The following RUNDC3B variants were observed in gnomAD, a reference collection of about 807,000 sequenced individuals.
RUNDC3B encodes the protein RUN domain-containing protein 3B.
Under a neutral mutation model 58.4 loss-of-function variants are expected in RUNDC3B, and 33 were observed. The ratio of observed to expected loss-of-function variants is 0.56; its 90% CI spans 0.43 to 0.75. The LOEUF (loss-of-function observed/expected upper bound fraction) is 0.75. RUNDC3B is among the 30% of genes least tolerant of loss of function. The probability of loss-of-function intolerance (pLI) is 0.00; values close to 1 mark genes in which losing one functional copy is unlikely to be tolerated. For synonymous variants in RUNDC3B, 193 were observed against 195.2 expected (o/e 0.99, Z 0.10); for missense variants, 501 against 535.7 (o/e 0.94, Z 0.64).
intron 6 of RUNDC3B, among the ~76,000 whole-genome samples, chr7:87,761,730 T>C (rs1329007343): frequency 6.6e-6 from 1 of 151,886 alleles, no homozygotes; most frequent in East Asian, 1.9e-4. Context: ...CCACATATTT[T>C]GTGATTCAGT....
chr7:87,678,293 G>A (rs1826580300), intron 2 of RUNDC3B, among the ~76,000 whole-genome samples: 1 of 152,112 alleles, frequency 6.6e-6, no homozygotes, highest in Admixed American at 6.6e-5. Flanking sequence ...GGCATTGCTG[G>A]GGAAGGTTTC....
intron 3 of RUNDC3B, among the ~76,000 whole-genome samples, chr7:87,705,657 C>T (rs1192116137): frequency 6.6e-6 from 1 of 152,136 alleles, no homozygotes; most frequent in South Asian, 2.1e-4. Flanking sequence ...ACATAAATTA[C>T]TTAGGTTTCA....
At chr7:87,653,159 C>T (rs1466833666) in intron 2 of RUNDC3B, among the ~76,000 whole-genome samples, 1 of 151,994 alleles carries the variant, frequency 6.6e-6, no homozygotes, top group Non-Finnish European at 1.5e-5. Context: ...TAGGATATAG[C>T]TGAGAAATAG....
intron 9 of RUNDC3B, among the ~76,000 whole-genome samples, chr7:87,811,914 G>A (rs1301964306): frequency 6.6e-6 from 1 of 151,724 alleles, no homozygotes; most frequent in Non-Finnish European, 1.5e-5. Context: ...TGAAAACAAA[G>A]AACAAAAAGT....
At chr7:87,746,940 C>A (rs1040527333) in intron 6 of RUNDC3B, among the ~76,000 whole-genome samples, 1 of 152,158 alleles carries the variant, frequency 6.6e-6, no homozygotes, top group Non-Finnish European at 1.5e-5. Context: ...CCATGATTAG[C>A]GTAATGACTA....
intron 8 of RUNDC3B, among the ~76,000 whole-genome samples, chr7:87,794,305 C>T (rs1046660529): frequency 1.3e-5 from 2 of 152,052 alleles, no homozygotes; most frequent in Non-Finnish European, 1.5e-5. Flanking sequence ...TGTGGTGGCA[C>T]ATGCCTGTAG....
chr7:87,645,991 T>A (rs1220189548), intron 1 of RUNDC3B, among the ~76,000 whole-genome samples: 1 of 152,250 alleles, frequency 6.6e-6, no homozygotes, highest in Non-Finnish European at 1.5e-5. Context: ...ATTTTTGTAA[T>A]GCTTTCTCAC....
chr7:87,807,324 C>T, intron 8 of RUNDC3B, 49 bp from the exon 9 acceptor site: 4 of 1,584,880 alleles, frequency 2.5e-6, no homozygotes, highest in Non-Finnish European at 3.4e-6. Context: ...GTTCCTCTGC[C>T]ATTGTAGAAC....
intron 6 of RUNDC3B, among the ~76,000 whole-genome samples, chr7:87,754,291 C>G (rs899807044): frequency 5.9e-5 from 9 of 152,278 alleles, no homozygotes; most frequent in East Asian, 1.9e-4. Context: ...GAAAATCACT[C>G]AAAACCATGA....
At chr7:87,657,847 T>C (rs1254900537) in intron 2 of RUNDC3B, among the ~76,000 whole-genome samples, 1 of 152,106 alleles carries the variant, frequency 6.6e-6, no homozygotes, top group Non-Finnish European at 1.5e-5. Flanking sequence ...GGAAGCCAAT[T>C]GGGAAACTTG....
intron 2 of RUNDC3B, among the ~76,000 whole-genome samples, chr7:87,654,380 A>T (rs1317127963): frequency 6.6e-6 from 1 of 152,124 alleles, no homozygotes; most frequent in Non-Finnish European, 1.5e-5. Flanking sequence ...GCATAAAAAC[A>T]GACAAATAAA....
chr7:87,809,509 G>A (rs183252589), intron 9 of RUNDC3B, among the ~76,000 whole-genome samples: 1 of 152,224 alleles, frequency 6.6e-6, no homozygotes, highest in Admixed American at 6.5e-5. Context: ...GATAATACCT[G>A]TCTAACAGAA....
chr7:87,640,814 T>C (rs1167365614), intron 1 of RUNDC3B, among the ~76,000 whole-genome samples: 1 of 152,204 alleles, frequency 6.6e-6, no homozygotes, highest in African/African-American at 2.4e-5. Flanking sequence ...TTGTCTATTC[T>C]ACTGTTTAAT....
intron 2 of RUNDC3B, among the ~76,000 whole-genome samples, chr7:87,684,456 T>G (rs1184515212): frequency 6.6e-6 from 1 of 152,132 alleles, no homozygotes; most frequent in Non-Finnish European, 1.5e-5. Context: ...AATCAGTGTG[T>G]TATTGGTAAA....
chr7:87,762,220 A>G (rs1833731176), intron 6 of RUNDC3B, among the ~76,000 whole-genome samples: 1 of 151,688 alleles, frequency 6.6e-6, no homozygotes, highest in African/African-American at 2.4e-5. Flanking sequence ...ATCTATTAAA[A>G]TTATTCATAT....
intron 2 of RUNDC3B, among the ~76,000 whole-genome samples, chr7:87,685,280 C>A (rs1217111760): frequency 2.0e-5 from 3 of 152,038 alleles, no homozygotes; most frequent in African/African-American, 7.2e-5. Flanking sequence ...ATGCAAAGAG[C>A]TGAACAGATA....
chr7:87,663,943 C>T (rs1472263070), intron 2 of RUNDC3B, among the ~76,000 whole-genome samples: 1 of 152,130 alleles, frequency 6.6e-6, no homozygotes, highest in Non-Finnish European at 1.5e-5. Context: ...AGGCCCCACC[C>T]TTATACCTCA....
chr7:87,784,525 AT>A (rs953586227), intron 8 of RUNDC3B, among the ~76,000 whole-genome samples: 1 of 151,856 alleles, frequency 6.6e-6, no homozygotes, highest in African/African-American at 2.4e-5. Flanking sequence ...TAGTTTCCTC[AT>A]TGGGTTTCAC....
At chr7:87,690,343 TC>T (rs1827895863) in intron 2 of RUNDC3B, among the ~76,000 whole-genome samples, 1 of 152,186 alleles carries the variant, frequency 6.6e-6, no homozygotes, top group South Asian at 2.1e-4. Flanking sequence ...CATTTTCTTT[TC>T]TTTAAAGTTA....
Sources: allele counts gnomAD v4.1 joint callset (sites outside exome capture counted in the v4.1 genomes callset), GRCh38; gene constraint gnomAD v4.1.1; transcripts MANE v1.5; gene names NCBI Gene and HGNC (gene_info 2026-07-23, HGNC 2026-07-21).